TTC28: variants seen among roughly 807,000 people sequenced by gnomAD.
TTC28 encodes tetratricopeptide repeat protein 28.
TTC28 carries 61 observed loss-of-function variants against 198.0 expected under a neutral mutation model. That is an observed-to-expected ratio of 0.31 (90% CI 0.25 to 0.38). The LOEUF (loss-of-function observed/expected upper bound fraction) is 0.38. Among genes scored for constraint, TTC28 ranks in the 10% least tolerant of loss-of-function variants. TTC28 has a pLI of 1.00. For missense variants in TTC28, 2,678 were observed against 3,164.0 expected (o/e 0.85, Z 3.69); for synonymous variants, 1,171 against 1,297.8 (o/e 0.90, Z 2.10).
chr22:28,510,003 C>T (rs2048666571), intron 2 of TTC28, among the ~76,000 whole-genome samples: 1 of 152,062 alleles, frequency 6.6e-6, no homozygotes, highest in Non-Finnish European at 1.5e-5. Context: ...CCTGAATAGA[C>T]AAATAACAAG....
chr22:28,242,589 G>C (rs1018550812), intron 5 of TTC28, among the ~76,000 whole-genome samples: 4 of 152,092 alleles, frequency 2.6e-5, no homozygotes, highest in African/African-American at 7.2e-5. Flanking sequence ...AGAACTCTAA[G>C]CCTTGAATTA....
At chr22:28,625,161 C>T (rs1004108859) in intron 2 of TTC28, among the ~76,000 whole-genome samples, 1 of 152,112 alleles carries the variant, frequency 6.6e-6, no homozygotes, top group Non-Finnish European at 1.5e-5. Flanking sequence ...AGTTCACTCC[C>T]ATGACTTCTA....
At chr22:28,610,865 GAGA>G (rs2041263499) in intron 2 of TTC28, among the ~76,000 whole-genome samples, 1 of 152,066 alleles carries the variant, frequency 6.6e-6, no homozygotes, top group African/African-American at 2.4e-5. Flanking sequence ...AACCAGCTTA[GAGA>G]AGAACATAAA....
chr22:28,465,898 C>A (rs2048013015), intron 2 of TTC28, among the ~76,000 whole-genome samples: 1 of 152,068 alleles, frequency 6.6e-6, no homozygotes, highest in Non-Finnish European at 1.5e-5. Flanking sequence ...CATATTCCAA[C>A]CAGGAGGAAA....
At chr22:28,384,924 T>C (rs1300898190) in intron 2 of TTC28, among the ~76,000 whole-genome samples, 1 of 151,934 alleles carries the variant, frequency 6.6e-6, no homozygotes, top group East Asian at 2.0e-4. Context: ...GGGGGGATCA[T>C]CTGAGGTCAG....
rs1939026369 is a variant in TTC28, at chr22:28,030,349, T to A, written c.3950A>T (p.Glu1317Val). The A allele has an allele frequency of 6.4e-7, 1 of 1,551,846 alleles. No homozygotes were observed. Among genetic ancestry groups the A allele is most frequent in the Non-Finnish European group, 8.7e-7 (1 of 1,147,030 alleles). ...GATGTCTCCCGCTTCACTCTCTGTCTCACTGCTGGCACAGGCCCTGCAGGA... is the reference window on the plus strand; with the variant it reads ...GATGTCTCCCGCTTCACTCTCTGTCACACTGCTGGCACAGGCCCTGCAGGA... ...SHYSRACASS[E>V]TESEAGDIMD... The change falls in exon 13 of 23, where the codon GAG (glutamate) becomes GTG (valine). Residue 1317 changes from glutamate (E) to valine (V), a missense_variant. Glu to Val is a moderately radical substitution (Grantham distance 121). Transcript: ENST00000397906.
At chr22:28,677,937 C>CAA (rs1299057405) in intron 1 of TTC28, among the ~76,000 whole-genome samples, 2 of 122,892 alleles carry the variant, frequency 1.6e-5, no homozygotes, top group African/African-American at 3.0e-5. Context: ...GGCTCCGTCT[C>CAA]AAAAAAAAAA....
chr22:28,449,880 C>T (rs946417302), intron 2 of TTC28, among the ~76,000 whole-genome samples: 10 of 152,098 alleles, frequency 6.6e-5, no homozygotes, highest in African/African-American at 2.4e-4. Flanking sequence ...TCCTAAGAGC[C>T]TGTTTCATGA....
intron 5 of TTC28, among the ~76,000 whole-genome samples, chr22:28,239,880 T>C (rs1020896716): frequency 8.5e-5 from 13 of 152,222 alleles, no homozygotes; most frequent in Non-Finnish European, 1.9e-4. Flanking sequence ...TCTAATCTTC[T>C]TTAGACTTAC....
intron 5 of TTC28, among the ~76,000 whole-genome samples, chr22:28,191,918 G>T (rs915702533): frequency 1.3e-5 from 2 of 152,198 alleles, no homozygotes; most frequent in African/African-American, 4.8e-5. Flanking sequence ...GAATGACCCT[G>T]TCTGACAGCT....
chr22:27,982,917 G>A lies in TTC28; in HGVS notation c.6750C>T (p.Ser2250=), dbSNP rs931963418. 5.8e-6 allele frequency: 9 copies of A among 1,551,566 alleles called. No individual in the cohort carries two copies. In the Admixed American group the frequency reaches 1.6e-4, roughly 27 times the overall value. Residue 2250 remains serine, a synonymous_variant, in exon 23 of 23, where the codon AGC becomes AGT. Transcript: ENST00000397906. This position sits in a 1 kb window ranked among gnomAD's most constrained non-coding sequence, Gnocchi z 5.2. The part of the protein sequence containing the change: ...SSLPKVSSGY[S]SPTTSEMSIK... ...TGGACATCTCTGAGGTGGTGGGGCT[G>A]CTATATCCGGAACTCACCTTGGGCA...
intron 2 of TTC28, among the ~76,000 whole-genome samples, chr22:28,496,866 C>T (rs1374733410): frequency 6.6e-6 from 1 of 152,128 alleles, no homozygotes; most frequent in East Asian, 1.9e-4. Flanking sequence ...CCTTGGTCCT[C>T]CTCCTCACTT....
At chr22:28,593,713 T>C (rs1472390173) in intron 2 of TTC28, among the ~76,000 whole-genome samples, 1 of 152,234 alleles carries the variant, frequency 6.6e-6, no homozygotes, top group African/African-American at 2.4e-5. Flanking sequence ...TTAAATTTTA[T>C]TGTATAAGTA....
chr22:28,530,254 G>A (rs985724502), intron 2 of TTC28, among the ~76,000 whole-genome samples: 3 of 152,264 alleles, frequency 2.0e-5, no homozygotes, highest in African/African-American at 4.8e-5. Flanking sequence ...TGAGAACTAC[G>A]TGACACATGC....
intron 2 of TTC28, among the ~76,000 whole-genome samples, chr22:28,601,666 T>C (rs541937487): frequency 5.3e-5 from 8 of 152,044 alleles, no homozygotes; most frequent in Non-Finnish European, 1.2e-4. Context: ...CCCAAGATAC[T>C]GAGAGATGAC....
rs375561667 is a variant in TTC28 at position 28,438,091 on chromosome 22, G to A, written c.382-131448C>T. ...AAGACTACTATCATGAAATTTCTAAGACTTCTCTGTATAACTACTTTTGTC... is the reference window on the plus strand; with the variant it reads ...AAGACTACTATCATGAAATTTCTAAAACTTCTCTGTATAACTACTTTTGTC... On this transcript the variant is annotated intron_variant, in intron 2 of 22. Coordinates refer to ENST00000397906, the MANE Select transcript of TTC28 (RefSeq NM_001145418.2). Among the ~76,000 whole-genome samples, 17 of 152,284 alleles carry A rather than the reference G, an allele frequency of 1.1e-4. No individual in the cohort carries two copies. In the East Asian group the frequency reaches 3.1e-3, roughly 28 times the overall value.
rs570183562 is a variant in TTC28, at chr22:28,370,767, A to C, written c.382-64124T>G. Among the ~76,000 whole-genome samples the C allele has an allele frequency of 1.1e-4, 17 of 152,330 alleles. 1 individual carries two copies. The highest frequency in any genetic ancestry group is 3.8e-4 in the African/African-American group (16 of 41,582). On this transcript the variant is annotated intron_variant, in intron 2 of 22. Coordinates refer to ENST00000397906, the MANE Select transcript of TTC28 (RefSeq NM_001145418.2). ...TTCAAGAAACACAGAGAAAGAGAGAACTATAGAGAGAGAAGGGAGTAAGAG... is the reference window on the plus strand; with the variant it reads ...TTCAAGAAACACAGAGAAAGAGAGACCTATAGAGAGAGAAGGGAGTAAGAG...
At chr22:28,173,738 T>G (rs752297671) in intron 5 of TTC28, among the ~76,000 whole-genome samples, 20 of 152,204 alleles carry the variant, frequency 1.3e-4, no homozygotes, top group Non-Finnish European at 2.6e-4. Context: ...GTTTTTAGTT[T>G]GAGAAATAAA....
chr22:28,347,405 T>C (rs1569274325), intron 2 of TTC28, among the ~76,000 whole-genome samples: 1 of 152,206 alleles, frequency 6.6e-6, no homozygotes, highest in Non-Finnish European at 1.5e-5. Flanking sequence ...TCATATTTCA[T>C]CCCTAGAGTT....
Sources: gnomAD v4.1 joint callset for allele counts (sites outside exome capture counted in the v4.1 genomes callset) on GRCh38, gnomAD v4.1.1 for gene constraint, Gnocchi (gnomAD v3.1) non-coding constraint, MANE v1.5 for transcripts, NCBI Gene and HGNC (gene_info 2026-07-23, HGNC 2026-07-21) for gene names.